The following IMMP2L variants were observed in gnomAD, a reference collection of about 807,000 sequenced individuals.
IMMP2L encodes the protein mitochondrial inner membrane protease subunit 2.
IMMP2L carries 18 observed loss-of-function variants against 19.3 expected under a neutral mutation model. That is an observed-to-expected ratio of 0.93 (90% CI 0.64 to 1.38). IMMP2L has a LOEUF of 1.38. Ranked by LOEUF, IMMP2L falls within the 40% of genes most tolerant of loss-of-function variation. The pLI, the probability that IMMP2L is intolerant of heterozygous loss-of-function variation, is 0.00. For synonymous variants in IMMP2L, 76 were observed against 73.0 expected (o/e 1.04, Z -0.21); for missense variants, 233 against 218.2 (o/e 1.07, Z -0.43).
At chr7:111,012,775 C>G (rs915420278) in intron 3 of IMMP2L, among the ~76,000 whole-genome samples, 1 of 152,102 alleles carries the variant, frequency 6.6e-6, no homozygotes, top group Non-Finnish European at 1.5e-5. Context: ...TTAGTAAAGG[C>G]TTTAGCCCCT....
intron 3 of IMMP2L, among the ~76,000 whole-genome samples, chr7:111,300,929 G>C (rs866423876): frequency 3.9e-5 from 6 of 152,078 alleles, no homozygotes; most frequent in African/African-American, 1.4e-4. Context: ...TGGAACATAA[G>C]TTTTCATCAC....
intron 5 of IMMP2L, among the ~76,000 whole-genome samples, chr7:110,859,612 G>C (rs1037434553): frequency 6.6e-6 from 1 of 151,696 alleles, no homozygotes; most frequent in Non-Finnish European, 1.5e-5. Context: ...GCATGGTGTT[G>C]TGTACCTGCA....
At chr7:111,278,728 T>C (rs1819377687) in intron 3 of IMMP2L, among the ~76,000 whole-genome samples, 1 of 152,168 alleles carries the variant, frequency 6.6e-6, no homozygotes, top group Non-Finnish European at 1.5e-5. Flanking sequence ...GTTTTATAAT[T>C]TTCTAGCTCA....
intron 1 of IMMP2L, among the ~76,000 whole-genome samples, chr7:111,558,180 G>C (rs994754574): frequency 4.6e-5 from 7 of 152,058 alleles, no homozygotes; most frequent in Non-Finnish European, 1.0e-4. Flanking sequence ...GTAATTCATT[G>C]ATCTAAATTC....
intron 5 of IMMP2L, among the ~76,000 whole-genome samples, chr7:110,712,998 C>A (rs1002494882): frequency 6.6e-6 from 1 of 152,050 alleles, no homozygotes; most frequent in Non-Finnish European, 1.5e-5. Flanking sequence ...GAGCTGTAGA[C>A]CGGAGCTGTT....
At chr7:111,260,916 T>C (rs187038571) in intron 3 of IMMP2L, among the ~76,000 whole-genome samples, 32 of 152,182 alleles carry the variant, frequency 2.1e-4, no homozygotes, top group African/African-American at 7.7e-4. Flanking sequence ...TGGCAATTCT[T>C]ACTATTCTTG....
intron 5 of IMMP2L, among the ~76,000 whole-genome samples, chr7:110,863,167 C>T (rs1362840900): frequency 6.6e-6 from 1 of 152,134 alleles, no homozygotes; most frequent in African/African-American, 2.4e-5. Flanking sequence ...AGACCCTCCA[C>T]AGCTCTTGTC....
At chr7:111,209,217 G>A (rs1030285368) in intron 3 of IMMP2L, among the ~76,000 whole-genome samples, 1 of 151,956 alleles carries the variant, frequency 6.6e-6, no homozygotes, top group East Asian at 1.9e-4. Flanking sequence ...CTAACACAGT[G>A]AAACTCCCTC....
At chr7:111,165,765 C>T (rs1805750194) in intron 3 of IMMP2L, among the ~76,000 whole-genome samples, 1 of 151,966 alleles carries the variant, frequency 6.6e-6, no homozygotes. Context: ...CATTCTGGGT[C>T]ATCTCTTGGC....
chr7:110,801,320 A>T (rs1801225494), intron 5 of IMMP2L, among the ~76,000 whole-genome samples: 1 of 152,024 alleles, frequency 6.6e-6, no homozygotes, highest in East Asian at 1.9e-4. Context: ...CTTCCCATAT[A>T]CTGCTTGTCT....
intron 3 of IMMP2L, among the ~76,000 whole-genome samples, chr7:111,378,531 A>AT (rs1476862158): frequency 6.6e-6 from 1 of 152,032 alleles, no homozygotes; most frequent in African/African-American, 2.4e-5. Context: ...TATTGTTATA[A>AT]TCACCCAAGG....
chr7:111,441,234 AAGAGGCC>A (rs1837681492), intron 3 of IMMP2L, among the ~76,000 whole-genome samples: 1 of 151,946 alleles, frequency 6.6e-6, no homozygotes, highest in East Asian at 1.9e-4. Flanking sequence ...TGTTCAGCAC[AAGAGGCC>A]TACCTTTCAG....
At chr7:111,505,204 C>A (rs1482465057) in intron 2 of IMMP2L, among the ~76,000 whole-genome samples, 1 of 151,172 alleles carries the variant, frequency 6.6e-6, no homozygotes, top group East Asian at 1.9e-4. Context: ...ATTTATGCAG[C>A]CAAAAAACAC....
chr7:111,230,396 A>C (rs1813586198), intron 3 of IMMP2L, among the ~76,000 whole-genome samples: 2 of 152,064 alleles, frequency 1.3e-5, no homozygotes, highest in Non-Finnish European at 2.9e-5. Context: ...AAAGAGATTC[A>C]AAAGGGAAGA....
At position 111,158,102 on chromosome 7, in the gene IMMP2L, C is replaced by T. The variant is rs918758538; in HGVS notation, c.240-194537G>A. On this transcript the variant is annotated intron_variant, in intron 3 of 5. Coordinates refer to ENST00000405709, the MANE Select transcript of IMMP2L (RefSeq NM_032549.4). ...GCTTGTGAGCTAGAAACTCTCATCC[C>T]ATACTCTATATACAAAAATAATACT... Among the ~76,000 whole-genome samples, 4 of 151,792 alleles carry T rather than the reference C, an allele frequency of 2.6e-5. 1 individual carries two copies. The highest frequency in any genetic ancestry group is 2.0e-4 in the Admixed American group (3 of 15,232).
At chr7:110,882,204 A>G (rs895943311) in intron 5 of IMMP2L, among the ~76,000 whole-genome samples, 2 of 152,096 alleles carry the variant, frequency 1.3e-5, no homozygotes, top group Non-Finnish European at 2.9e-5. Flanking sequence ...ATTATTATCT[A>G]TGACCTGAAT....
chr7:110,773,104 TTCTGGTCA>T (rs1799146470), intron 5 of IMMP2L, among the ~76,000 whole-genome samples: 1 of 151,942 alleles, frequency 6.6e-6, no homozygotes, highest in African/African-American at 2.4e-5. Context: ...TAAAAAAGGG[TTCTGGTCA>T]TCTTGGAGCA....
chr7:111,097,504 T>C (rs1446498563), intron 3 of IMMP2L, among the ~76,000 whole-genome samples: 3 of 151,916 alleles, frequency 2.0e-5, no homozygotes, highest in Non-Finnish European at 4.4e-5. Context: ...ATTTGTTCTA[T>C]AATTTATAGT....
intron 2 of IMMP2L, among the ~76,000 whole-genome samples, chr7:111,499,073 G>A (rs1334029005): frequency 2.6e-5 from 4 of 152,144 alleles, no homozygotes; most frequent in Non-Finnish European, 5.9e-5. Context: ...GCTATGCTTA[G>A]CTATGCAATT....
Sources: gnomAD v4.1 joint callset for allele counts (sites outside exome capture counted in the v4.1 genomes callset) on GRCh38, gnomAD v4.1.1 for gene constraint, MANE v1.5 for transcripts, NCBI Gene and HGNC (gene_info 2026-07-23, HGNC 2026-07-21) for gene names.